Variants in JAKMIP3 observed in about 807,000 individuals in gnomAD.
The protein encoded by JAKMIP3 is janus kinase and microtubule-interacting protein 3.
A neutral mutation model predicts 118.5 loss-of-function variants in JAKMIP3; 58 were observed. That is an observed-to-expected ratio of 0.49 (90% CI 0.40 to 0.61). The LOEUF (loss-of-function observed/expected upper bound fraction) is 0.61. Ranked by LOEUF, JAKMIP3 falls within the 20% of genes least tolerant of loss-of-function variation. The pLI, the probability that JAKMIP3 is intolerant of heterozygous loss-of-function variation, is 0.00. For synonymous variants in JAKMIP3, 486 were observed against 451.2 expected, an observed-to-expected ratio of 1.08 and a Z score of -0.98; for missense variants, 950 against 1,109.0, an observed-to-expected ratio of 0.86 and a Z score of 2.04.
At chr10:132,128,182 G>A (rs1314191240) in intron 3 of JAKMIP3, among the ~76,000 whole-genome samples, 1 of 152,168 alleles carries the variant, frequency 6.6e-6, no homozygotes, top group Non-Finnish European at 1.5e-5. Flanking sequence ...ATTGAACCTG[G>A]AACTCTCACA....
chr10:132,071,566 A>G (rs995545156), intron 1 of JAKMIP3, among the ~76,000 whole-genome samples: 2 of 152,164 alleles, frequency 1.3e-5, no homozygotes, highest in East Asian at 3.8e-4. Context: ...AATGTCTCCA[A>G]TATGATTGTG....
chr10:132,164,702 T>C lies in JAKMIP3; in HGVS notation c.2457T>C (p.Ala819=). The part of the protein sequence containing the change: ...RIKELEERIE[A]QKRQIKELEE... ...AAGAGTTAGAAGAAAGAATAGAAGCTCAGAAGAGACAAATAAAGGAACTGG... is the reference window on the plus strand; with the variant it reads ...AAGAGTTAGAAGAAAGAATAGAAGCCCAGAAGAGACAAATAAAGGAACTGG... The change falls in exon 21 of 24, where the codon GCT becomes GCC. Residue 819 remains alanine (A), a synonymous_variant. Coordinates refer to ENST00000684848, the MANE Select transcript of JAKMIP3 (RefSeq NM_001323087.2). 6.2e-7 allele frequency: 1 copy of C among 1,602,184 alleles called. No homozygotes were observed. The highest frequency in any genetic ancestry group is 8.6e-7 in the Non-Finnish European group (1 of 1,169,366).
At chr10:132,128,106 AC>A (rs1434586046) in intron 3 of JAKMIP3, among the ~76,000 whole-genome samples, 1 of 152,210 alleles carries the variant, frequency 6.6e-6, no homozygotes, top group Non-Finnish European at 1.5e-5. Context: ...GGGTGTATTA[AC>A]AAAGGACGCT....
chr10:132,118,093 G>A lies in JAKMIP3; in HGVS notation c.633+519G>A, dbSNP rs945194058. 1.6e-4 allele frequency among the ~76,000 whole-genome samples: 25 copies of A among 152,120 alleles called. No individual in the cohort carries two copies. Among genetic ancestry groups the A allele is most frequent in the Admixed American group, 3.3e-4 (5 of 15,286 alleles). ...CAGAGAGGCGAGATCAGGAGGCCCCGGGGGGTGGGATGGCCCCCAGCTGCC... is the reference window on the plus strand; with the variant it reads ...CAGAGAGGCGAGATCAGGAGGCCCCAGGGGGTGGGATGGCCCCCAGCTGCC... On this transcript the variant is annotated intron_variant, in intron 3 of 23. Coordinates refer to ENST00000684848, the MANE Select transcript of JAKMIP3 (RefSeq NM_001323087.2). This position sits in a 1 kb window ranked among gnomAD's most constrained non-coding sequence, Gnocchi z 4.8.
intron 23 of JAKMIP3, among the ~76,000 whole-genome samples, chr10:132,171,334 T>A (rs1228059950): frequency 2.0e-5 from 3 of 152,160 alleles, no homozygotes; most frequent in Admixed American, 1.3e-4. Context: ...TAGTCCCCAC[T>A]CCCAGCCCTG....
upstream of JAKMIP3, among the ~76,000 whole-genome samples, chr10:132,062,748 C>T (rs763426432): frequency 2.6e-5 from 4 of 152,144 alleles, no homozygotes; most frequent in East Asian, 1.9e-4. Flanking sequence ...ACAGAGGGAC[C>T]GAGGATGGGA....
At chr10:132,159,632 T>C (rs1316481568) in intron 19 of JAKMIP3, among the ~76,000 whole-genome samples, 2 of 52,894 alleles carry the variant, frequency 3.8e-5, no homozygotes, top group Admixed American at 5.2e-4. Context: ...CCTCTTCCTT[T>C]GTGATGCTGG....
intron 23 of JAKMIP3, among the ~76,000 whole-genome samples, chr10:132,178,599 C>T (rs952336163): frequency 3.3e-5 from 5 of 152,232 alleles, no homozygotes; most frequent in African/African-American, 7.2e-5. Flanking sequence ...ATTTGTGGGG[C>T]GGTGTTGGGG....
chr10:132,159,722 GCAT>G (rs2057745133), intron 19 of JAKMIP3, among the ~76,000 whole-genome samples: 36 of 108,852 alleles, frequency 3.3e-4, no homozygotes, highest in Middle Eastern at 6.7e-3. Context: ...GATGCTGGGG[GCAT>G]GTCTTCCTGT....
At chr10:132,176,110 G>T (rs1170192144) in intron 23 of JAKMIP3, among the ~76,000 whole-genome samples, 3 of 152,236 alleles carry the variant, frequency 2.0e-5, no homozygotes, top group African/African-American at 7.2e-5. Context: ...GCCTCACCAT[G>T]TTCCCTGCAG....
At chr10:132,097,222 G>A (rs1589800835) in intron 1 of JAKMIP3, among the ~76,000 whole-genome samples, 1 of 152,334 alleles carries the variant, frequency 6.6e-6, no homozygotes, top group East Asian at 1.9e-4. Context: ...TCCAGCTGCT[G>A]TAGAGCCCGG....
At position 132,154,282 on chromosome 10, in the gene JAKMIP3, C is replaced by T. The variant is rs547773743; in HGVS notation, c.2220+292C>T. On this transcript the variant is annotated intron_variant, in intron 19 of 23. Coordinates refer to ENST00000684848, the MANE Select transcript of JAKMIP3 (RefSeq NM_001323087.2). ...GGTCACTCAAGCACAGAAACATGCC[C>T]GGATTCCTGAAGGCCATCCAGGTGT... is the stretch of plus-strand genomic sequence containing the variant. Among the ~76,000 whole-genome samples the T allele has an allele frequency of 5.3e-5, 8 of 152,326 alleles. No individual in the cohort carries two copies. The South Asian group carries it at 1.7e-3, about 32-fold the overall frequency.
rs1191059266 is a variant in JAKMIP3, at chr10:132,142,142, C to G, written c.1602+94C>G. On this transcript the variant is annotated intron_variant, in intron 11 of 23. Coordinates refer to ENST00000684848, the MANE Select transcript of JAKMIP3 (RefSeq NM_001323087.2). ...TGGGACACCCCCCTCACTAGCCCTC[C>G]TGGGCCCGGGCCCCTCCTCTCCTGC... is the stretch of plus-strand genomic sequence containing the variant. 6 of 1,368,806 alleles carry G rather than the reference C, an allele frequency of 4.4e-6. No homozygotes were observed. In the East Asian group the frequency reaches 1.5e-4, roughly 35 times the overall value. 84.8% of individuals were successfully genotyped at this position (1,368,806 alleles called of 1,614,324 possible).
chr10:132,149,380 G>A, intron 14 of JAKMIP3, 32 bp from the exon 15 acceptor site: 2 of 1,414,538 alleles, frequency 1.4e-6, no homozygotes, highest in Middle Eastern at 1.8e-4. Context: ...GATGGGAGGG[G>A]AGCGGCTCAC....
intron 23 of JAKMIP3, among the ~76,000 whole-genome samples, chr10:132,177,501 C>T (rs2060252699): frequency 2.0e-5 from 3 of 146,876 alleles, no homozygotes; most frequent in Non-Finnish European, 1.5e-5. Context: ...TGTGTATACA[C>T]CTGCTCCTGT....
At chr10:132,153,860 C>A in intron 18 of JAKMIP3, 33 bp downstream of exon 18, 1 of 1,612,794 alleles carries the variant, frequency 6.2e-7, no homozygotes, top group Admixed American at 1.7e-5. Flanking sequence ...TTCTGCGGCT[C>A]GGTGCTGCAG....
chr10:132,059,412 C>A (rs1007018912), intron 1 of JAKMIP3, among the ~76,000 whole-genome samples: 4 of 152,252 alleles, frequency 2.6e-5, no homozygotes, highest in Admixed American at 2.6e-4. Context: ...TTGACTTGTT[C>A]AAGTCAGGGT....
At chr10:132,121,548 C>T (rs984129097) in intron 3 of JAKMIP3, among the ~76,000 whole-genome samples, 1 of 152,190 alleles carries the variant, frequency 6.6e-6, no homozygotes, top group Non-Finnish European at 1.5e-5. Flanking sequence ...GGAGCGCCAG[C>T]CTCTGGGAGG....
Position 132,168,235 on chromosome 10 carries a change from C to T in JAKMIP3, c.*305C>T. On this transcript the variant is annotated 3_prime_UTR_variant, in exon 23 of 24. Coordinates refer to ENST00000684848, the MANE Select transcript of JAKMIP3 (RefSeq NM_001323087.2). ...CTTCTCCCGGACGGCAGCCCCCATC[C>T]CATTTCCAGGGATGTGTAGCATTCC... The T allele has an allele frequency of 7.8e-7, 1 of 1,289,288 alleles. No homozygotes were observed. Among genetic ancestry groups the T allele is most frequent in the South Asian group, 1.2e-5 (1 of 80,996 alleles). 79.9% of individuals were successfully genotyped at this position (1,289,288 alleles called of 1,614,324 possible). A position where few individuals can be genotyped will look rare whatever the true frequency, so the allele number is the denominator to read the frequency against.
Sources: gnomAD v4.1 joint callset for allele counts (sites outside exome capture counted in the v4.1 genomes callset) on GRCh38, gnomAD v4.1.1 for gene constraint, Gnocchi (gnomAD v3.1) non-coding constraint, MANE v1.5 for transcripts, NCBI Gene and HGNC (gene_info 2026-07-23, HGNC 2026-07-21) for gene names.